HSPA4: variants seen among roughly 807,000 people sequenced by gnomAD.
The protein encoded by HSPA4 is heat shock protein family A (Hsp70) member 4.
Under a neutral mutation model 106.2 loss-of-function variants are expected in HSPA4, and 25 were observed. The ratio of observed to expected loss-of-function variants is 0.24; its 90% CI spans 0.17 to 0.33. HSPA4 has a LOEUF of 0.33. HSPA4 is among the 10% of genes least tolerant of loss of function. The probability of loss-of-function intolerance (pLI) is 1.00; values close to 1 mark genes in which losing one functional copy is unlikely to be tolerated. For synonymous variants in HSPA4, 332 were observed against 333.6 expected (o/e 1.00, Z 0.05); for missense variants, 841 against 996.0 (o/e 0.84, Z 2.10).
In HSPA4 at chr5:133,089,586, T is replaced by G. The variant is rs1276058104; in HGVS notation, c.1269T>G (p.Asn423Lys). The G allele has an allele frequency of 4.3e-6, 7 of 1,613,308 alleles. No individual in the cohort carries two copies. The highest frequency in any genetic ancestry group is 5.9e-6 in the Non-Finnish European group (7 of 1,179,624). The change falls in exon 11 of 19, where the codon AAT becomes AAG. Residue 423 changes from asparagine (N) to lysine (K), a missense_variant. By Grantham distance (94) the Asn-to-Lys change is moderately conservative. This residue lies in a region of HSPA4 where 162 missense variants were observed against 177.7 expected (regional missense o/e 0.91). Transcript: ENST00000304858. ...GSSDCEVFSK[N>K]HAAPFSKVLT... ...GTGACTGTGAAGTCTTTTCCAAAAA[T>G]CATGCTGCTCCTTTCTCTAAAGTTC...
At chr5:133,058,619 A>C (rs903273296) in intron 1 of HSPA4, among the ~76,000 whole-genome samples, 6 of 151,922 alleles carry the variant, frequency 3.9e-5, no homozygotes, top group Non-Finnish European at 8.8e-5. Flanking sequence ...TGGAGGTTGC[A>C]GTGAGCTGAG....
In HSPA4 at chr5:133,067,560, A is replaced by G. The variant is rs1765323831; in HGVS notation, c.306+3A>G. On this transcript the variant is annotated splice_donor_region_variant and intron_variant, in intron 3 of 18. Transcript: ENST00000304858. ...CTACAGGATTAACAGGTATAAAGGT[A>G]AGGTTGTCAGGTTAATGCCTTTTAA... 1 of 1,609,692 alleles carries G rather than the reference A, an allele frequency of 6.2e-7. No individual in the cohort carries two copies. Among genetic ancestry groups the G allele is most frequent in the African/African-American group, 1.3e-5 (1 of 74,754 alleles).
intron 13 of HSPA4, among the ~76,000 whole-genome samples, chr5:133,094,186 T>C (rs959284194): frequency 6.6e-6 from 1 of 152,248 alleles, no homozygotes; most frequent in African/African-American, 2.4e-5. Flanking sequence ...GTAACATTTT[T>C]GAATCCTTTA....
chr5:133,088,261 G>A (rs919605446), intron 8 of HSPA4, 143 bp from the exon 9 acceptor site: 11 of 610,390 alleles, frequency 1.8e-5, no homozygotes, highest in Non-Finnish European at 3.0e-5. Context: ...GCCTCTGTGA[G>A]TGTGGGCATG....
intron 11 of HSPA4, among the ~76,000 whole-genome samples, chr5:133,090,356 G>A (rs948452877): frequency 4.1e-5 from 6 of 146,872 alleles, no homozygotes; most frequent in Non-Finnish European, 6.0e-5. Flanking sequence ...GCGTGAACTC[G>A]GTAGGCAGAG....
At chr5:133,097,594 G>T (rs373192155) in intron 15 of HSPA4, among the ~76,000 whole-genome samples, 1 of 148,538 alleles carries the variant, frequency 6.7e-6, no homozygotes, top group African/African-American at 2.5e-5. Context: ...TGTTGCTCAG[G>T]CTGGAGTGCA....
intron 3 of HSPA4, among the ~76,000 whole-genome samples, chr5:133,069,385 G>A (rs1017504057): frequency 2.0e-5 from 3 of 152,060 alleles, no homozygotes; most frequent in South Asian, 4.2e-4. Flanking sequence ...TAGTAGCTGG[G>A]ATTACAGGCA....
In HSPA4 at chr5:133,103,858, G is replaced by A. The variant is rs776620339; in HGVS notation, c.2158-7G>A. On this transcript the variant is annotated splice_polypyrimidine_tract_variant and splice_region_variant and intron_variant, in intron 17 of 18. Transcript: ENST00000304858. The stretch of plus-strand genomic sequence containing the variant: ...TTAGCACTTGTTTGACTGTCTCCTG[G>A]TTGCAGGAGGACCAGTATGATCATT... 1.9e-6 allele frequency: 3 copies of A among 1,611,450 alleles called. No homozygotes were observed. The highest frequency in any genetic ancestry group is 2.5e-6 in the Non-Finnish European group (3 of 1,178,894).
At chr5:133,057,295 C>T (rs997297749) in intron 1 of HSPA4, among the ~76,000 whole-genome samples, 1 of 151,266 alleles carries the variant, frequency 6.6e-6, no homozygotes, top group African/African-American at 2.4e-5. Flanking sequence ...TCATTTTCTC[C>T]TATTGTTGAA....
At chr5:133,100,912 CCTT>C (rs1765776781) in intron 16 of HSPA4, among the ~76,000 whole-genome samples, 1 of 152,284 alleles carries the variant, frequency 6.6e-6, no homozygotes, top group South Asian at 2.1e-4. Context: ...CTCAAGTGGT[CCTT>C]CTGCCTTAGT....
At chr5:133,053,589 G>A (rs774785860) in intron 1 of HSPA4, among the ~76,000 whole-genome samples, 2 of 151,980 alleles carry the variant, frequency 1.3e-5, no homozygotes, top group Non-Finnish European at 1.5e-5. Flanking sequence ...GACTCAAGCA[G>A]TCCTCCAGCC....
intron 7 of HSPA4, among the ~76,000 whole-genome samples, chr5:133,080,417 CAAAAA>C (rs33998797): frequency 2.8e-4 from 19 of 68,138 alleles, no homozygotes; most frequent in Admixed American, 5.7e-4. Flanking sequence ...GACCCTGTCT[CAAAAA>C]AAAAAAAAAA....
chr5:133,066,799 C>G (rs1561577522), intron 2 of HSPA4, among the ~76,000 whole-genome samples: 1 of 149,876 alleles, frequency 6.7e-6, no homozygotes, highest in Non-Finnish European at 1.5e-5. Flanking sequence ...AGCGCAACCT[C>G]CACCTCCCAG....
intron 7 of HSPA4, among the ~76,000 whole-genome samples, chr5:133,078,783 G>A (rs1306366371): frequency 6.6e-6 from 1 of 152,106 alleles, no homozygotes; most frequent in Non-Finnish European, 1.5e-5. Context: ...ACCTAGGCTG[G>A]AGTGTAGTGG....
At chr5:133,103,551 A>G (rs1385117060) in intron 17 of HSPA4, among the ~76,000 whole-genome samples, 4 of 152,050 alleles carry the variant, frequency 2.6e-5, no homozygotes, top group Non-Finnish European at 2.9e-5. Context: ...TCTCATATCT[A>G]ATGTAATTTT....
In HSPA4 at chr5:133,071,168, G is replaced by A. The variant is rs943113891; in HGVS notation, c.429+672G>A. 2.7e-5 allele frequency among the ~76,000 whole-genome samples: 4 copies of A among 150,670 alleles called. No individual in the cohort carries two copies. In the East Asian group the frequency reaches 7.9e-4, roughly 30 times the overall value. Reference sequence around the variant, plus strand: ...TTTGTATTTGCTGTTGGTATCTAGCGTTAAAGACAAAGGCAAGGACTGGGC... The same window carrying A: ...TTTGTATTTGCTGTTGGTATCTAGCATTAAAGACAAAGGCAAGGACTGGGC... On this transcript the variant is annotated intron_variant, in intron 4 of 18. Coordinates refer to ENST00000304858, the MANE Select transcript of HSPA4 (RefSeq NM_002154.4).
At chr5:133,059,205 C>T (rs1246300383) in intron 1 of HSPA4, among the ~76,000 whole-genome samples, 3 of 148,102 alleles carry the variant, frequency 2.0e-5, no homozygotes, top group South Asian at 2.2e-4. Context: ...CCCAGCACTT[C>T]GGGAGGCCAA....
chr5:133,090,430 C>CAA (rs56263518), intron 11 of HSPA4, among the ~76,000 whole-genome samples: 7,846 of 54,654 alleles, frequency 0.14, 1,082 homozygotes, highest in Non-Finnish European at 0.16. Context: ...GACTCTGTCT[C>CAA]AAAAAAAAAA....
chr5:133,056,624 A>G (rs1274399116), intron 1 of HSPA4, among the ~76,000 whole-genome samples: 2 of 152,186 alleles, frequency 1.3e-5, no homozygotes, highest in Non-Finnish European at 2.9e-5. Context: ...GGTTATTTCT[A>G]ACTTTTTGCT....
Sources: gnomAD v4.1 joint callset for allele counts (sites outside exome capture counted in the v4.1 genomes callset) on GRCh38, gnomAD v4.1.1 for gene constraint, gnomAD v4.1.1 regional missense constraint, MANE v1.5 for transcripts, NCBI Gene and HGNC (gene_info 2026-07-23, HGNC 2026-07-21) for gene names.